The following RAF1 variants were observed in gnomAD, a reference collection of about 807,000 sequenced individuals.
RAF1 encodes RAF proto-oncogene serine/threonine-protein kinase.
In RAF1, 27 loss-of-function variants were observed where a neutral mutation model predicts 81.1. The observed-to-expected ratio is 0.33, with a 90% CI of 0.25 to 0.46. The LOEUF (loss-of-function observed/expected upper bound fraction) is 0.46, where lower values mean the gene tolerates loss of function less well. Ranked by LOEUF, RAF1 falls within the 20% of genes least tolerant of loss-of-function variation. The pLI is 1.00. For missense variants in RAF1, 598 were observed against 826.0 expected (o/e 0.72, Z 3.38); for synonymous variants, 298 against 294.0 (o/e 1.01, Z -0.14).
chr3:12,607,661 TA>T (rs926512614), intron 5 of RAF1, among the ~76,000 whole-genome samples: 3 of 147,494 alleles, frequency 2.0e-5, no homozygotes, highest in Non-Finnish European at 3.0e-5. Flanking sequence ...AAAATAATAA[TA>T]AAAAAAAAGG....
intron 5 of RAF1, 89 bp from the exon 6 acceptor site, chr3:12,606,388 T>A: frequency 2.2e-6 from 2 of 904,922 alleles, no homozygotes; most frequent in Non-Finnish European, 3.6e-6. Flanking sequence ...AACTCAGAGC[T>A]ACTAAAACTG....
chr3:12,594,642 C>A (rs1453887656), intron 11 of RAF1, among the ~76,000 whole-genome samples: 1 of 152,206 alleles, frequency 6.6e-6, no homozygotes. Context: ...GCCACATCTT[C>A]CCCCTCCAGT....
At chr3:12,629,300 T>C (rs2059797311) in intron 1 of RAF1, among the ~76,000 whole-genome samples, 2 of 152,190 alleles carry the variant, frequency 1.3e-5, no homozygotes, top group Non-Finnish European at 2.9e-5. Context: ...TGTTTGGCTA[T>C]CTGAACAAAA....
rs566373635 is a variant in RAF1, at chr3:12,584,247, C to G, written c.*267G>C. On this transcript the variant is annotated 3_prime_UTR_variant, in exon 18 of 18. Transcript: ENST00000442415. The stretch of plus-strand genomic sequence containing the variant: ...TTGTACTACCATCAACATCCACTTG[C>G]GCATCTACAGAAGGCTGGGCCTTGA... 1.9e-6 allele frequency: 1 copy of G among 515,010 alleles called. No individual in the cohort carries two copies. The highest frequency in any genetic ancestry group is 3.4e-5 in the East Asian group (1 of 29,730). 31.9% of individuals were successfully genotyped at this position (515,010 alleles called of 1,614,324 possible).
chr3:12,634,677 G>C (rs115922432), intron 1 of RAF1, among the ~76,000 whole-genome samples: 2,915 of 151,966 alleles, frequency 0.019, 92 homozygotes, highest in African/African-American at 0.066. Context: ...TTTTTCTTGA[G>C]AGTGCCAGGG....
In RAF1 at chr3:12,593,560, G is replaced by A. The variant is rs536313985; in HGVS notation, c.1169-1768C>T. On this transcript the variant is annotated intron_variant, in intron 11 of 17. Coordinates refer to ENST00000442415, the MANE Select transcript of RAF1 (RefSeq NM_001354689.3). The stretch of plus-strand genomic sequence containing the variant: ...CCTGCACATGTGTTTGCCATGGGCT[G>A]CCGGTGAAGGTGCTGTTGACTGGAT... 4.6e-5 allele frequency among the ~76,000 whole-genome samples: 7 copies of A among 152,266 alleles called. No homozygotes were observed. In the East Asian group the frequency reaches 9.7e-4, roughly 21 times the overall value.
rs2058318872 is a variant in RAF1, at chr3:12,585,894, C to T, written c.1478-95G>A. 3 of 886,602 alleles carry T rather than the reference C, an allele frequency of 3.4e-6. No individual in the cohort carries two copies. The Admixed American group carries it at 5.1e-5, about 15-fold the overall frequency. The allele number at this position is 886,602 out of a possible 1,614,324, so 54.9% of individuals were successfully genotyped here. Reference sequence around the variant, plus strand: ...CTTTATAACACGGTAATCTCTCCACCTTACCTCTGTCACAGCCTCTCTGCA... The same window carrying T: ...CTTTATAACACGGTAATCTCTCCACTTTACCTCTGTCACAGCCTCTCTGCA... On this transcript the variant is annotated intron_variant, in intron 14 of 17. Coordinates refer to ENST00000442415, the MANE Select transcript of RAF1 (RefSeq NM_001354689.3).
chr3:12,661,060 C>T (rs937738506), intron 1 of RAF1, among the ~76,000 whole-genome samples: 7 of 152,290 alleles, frequency 4.6e-5, no homozygotes, highest in Admixed American at 2.6e-4. Flanking sequence ...TTTTAAACAG[C>T]TTAGCCCTTG....
chr3:12,663,975 CCGCGCCTCAGGGCA>C lies in RAF1; in HGVS notation c.-203_-190del. ...GCCCCCGCATCGTAGCAAACGCGCTCCGCGCCTCAGGGCACGCGCCCCAAAGCCCGGCCAGCTGA... is the reference window on the plus strand; with the variant it reads ...GCCCCCGCATCGTAGCAAACGCGCTCCGCGCCCCAAAGCCCGGCCAGCTGA... On this transcript the variant is annotated 5_prime_UTR_variant, in exon 1 of 18. Coordinates refer to ENST00000442415, the MANE Select transcript of RAF1 (RefSeq NM_001354689.3). The C allele has an allele frequency of 2.5e-6, 1 of 398,572 alleles. No individual in the cohort carries two copies. The highest frequency in any genetic ancestry group is 4.4e-6 in the Non-Finnish European group (1 of 225,988). The allele number at this position is 398,572 out of a possible 1,614,324, so 24.7% of individuals were successfully genotyped here. A position where few individuals can be genotyped will look rare whatever the true frequency, so the allele number is the denominator to read the frequency against.
chr3:12,613,647 T>C (rs754090524), intron 2 of RAF1, among the ~76,000 whole-genome samples: 8 of 152,160 alleles, frequency 5.3e-5, no homozygotes, highest in Non-Finnish European at 1.2e-4. Flanking sequence ...TGGGCCCTTC[T>C]AGTTACCAGG....
chr3:12,658,873 A>G (rs533032824), intron 1 of RAF1, among the ~76,000 whole-genome samples: 1 of 152,316 alleles, frequency 6.6e-6, no homozygotes, highest in East Asian at 1.9e-4. Context: ...AACTTTAGAT[A>G]GTCTAGGCCA....
chr3:12,611,383 A>G (rs1328616279), intron 3 of RAF1, among the ~76,000 whole-genome samples: 1 of 152,046 alleles, frequency 6.6e-6, no homozygotes, highest in Non-Finnish European at 1.5e-5. Context: ...ATGCCTGGCT[A>G]ATTTTTAAAA....
chr3:12,637,117 G>A lies in RAF1; in HGVS notation c.-26-18370C>T, dbSNP rs191275734. On this transcript the variant is annotated intron_variant, in intron 1 of 17. Coordinates refer to ENST00000442415, the MANE Select transcript of RAF1 (RefSeq NM_001354689.3). ...AAGTTAGCAAAAATTGTGTACCTCC[G>A]CTAGTAAAACAAATTCTTCAAGTGA... is the stretch of plus-strand genomic sequence containing the variant. 7.4e-4 allele frequency among the ~76,000 whole-genome samples: 112 copies of A among 152,190 alleles called. 2 individuals carry two copies. Among genetic ancestry groups the A allele is most frequent in the African/African-American group, 1.5e-3 (61 of 41,524 alleles).
chr3:12,635,267 C>T (rs1329000028), intron 1 of RAF1, among the ~76,000 whole-genome samples: 3 of 128,426 alleles, frequency 2.3e-5, no homozygotes, highest in South Asian at 5.2e-4. Flanking sequence ...TGCAGTAAAC[C>T]GGGATCTTGC....
intron 1 of RAF1, among the ~76,000 whole-genome samples, chr3:12,649,428 T>C: frequency 6.6e-6 from 1 of 152,066 alleles, no homozygotes; most frequent in Non-Finnish European, 1.5e-5. Context: ...TGACACCTCA[T>C]CTTTATAAAA....
At chr3:12,645,266 A>G (rs1301717953) in intron 1 of RAF1, among the ~76,000 whole-genome samples, 1 of 152,124 alleles carries the variant, frequency 6.6e-6, no homozygotes, top group African/African-American at 2.4e-5. Context: ...TTACTTAGTC[A>G]AGAGAACTCA....
intron 2 of RAF1, among the ~76,000 whole-genome samples, chr3:12,613,351 C>CA (rs904881021): frequency 2.6e-5 from 4 of 152,106 alleles, no homozygotes; most frequent in Non-Finnish European, 5.9e-5. Flanking sequence ...AACTGCCTAC[C>CA]AGGTTCCTCC....
chr3:12,661,532 C>T (rs1373789028), intron 1 of RAF1, among the ~76,000 whole-genome samples: 2 of 151,870 alleles, frequency 1.3e-5, no homozygotes, highest in African/African-American at 2.4e-5. Flanking sequence ...CACGACAAAA[C>T]CCCATCTCTA....
intron 1 of RAF1, among the ~76,000 whole-genome samples, chr3:12,620,917 A>T (rs2059539129): frequency 6.6e-6 from 1 of 151,498 alleles, no homozygotes. Flanking sequence ...CAGTTCATTC[A>T]GAGTTCAGAG....
Sources: gnomAD v4.1 joint callset for allele counts (sites outside exome capture counted in the v4.1 genomes callset) on GRCh38, gnomAD v4.1.1 for gene constraint, MANE v1.5 for transcripts, NCBI Gene and HGNC (gene_info 2026-07-23, HGNC 2026-07-21) for gene names.